The following TMEM132C variants were observed in gnomAD, a reference collection of about 807,000 sequenced individuals.
TMEM132C encodes transmembrane protein 132C.
A neutral mutation model predicts 61.4 loss-of-function variants in TMEM132C; 29 were observed. That is an observed-to-expected ratio of 0.47 (90% CI 0.35 to 0.64). TMEM132C has a LOEUF of 0.64. Among genes scored for constraint, TMEM132C ranks in the 30% least tolerant of loss-of-function variants. The pLI, the probability that TMEM132C is intolerant of heterozygous loss-of-function variation, is 0.00. For missense variants in TMEM132C, 1,408 were observed against 1,476.9 expected (o/e 0.95, Z 0.76); for synonymous variants, 656 against 633.1 (o/e 1.04, Z -0.54).
intron 2 of TMEM132C, among the ~76,000 whole-genome samples, chr12:128,432,824 T>A (rs1172041365): frequency 6.6e-6 from 1 of 152,178 alleles, no homozygotes; most frequent in Non-Finnish European, 1.5e-5. Context: ...AGTAAAATGC[T>A]ATCAAACAGC....
At chr12:128,403,520 G>T (rs1875239013) in intron 1 of TMEM132C, among the ~76,000 whole-genome samples, 1 of 151,946 alleles carries the variant, frequency 6.6e-6, no homozygotes, top group African/African-American at 2.4e-5. Context: ...AGTTTTAAAA[G>T]CTTGTTACTA....
chr12:128,538,820 C>T (rs1873632824), intron 2 of TMEM132C, among the ~76,000 whole-genome samples: 1 of 152,084 alleles, frequency 6.6e-6, no homozygotes, highest in Non-Finnish European at 1.5e-5. Flanking sequence ...TTTATCTCTC[C>T]ATCCCTCAAG....
chr12:128,531,414 A>C (rs1484963369), intron 2 of TMEM132C, among the ~76,000 whole-genome samples: 2 of 152,234 alleles, frequency 1.3e-5, no homozygotes, highest in African/African-American at 4.8e-5. Context: ...TTCACAGCCA[A>C]CCTGAAAGAG....
At chr12:128,269,565 C>T (rs548953728) in intron 1 of TMEM132C, among the ~76,000 whole-genome samples, 1 of 152,202 alleles carries the variant, frequency 6.6e-6, no homozygotes, top group Non-Finnish European at 1.5e-5. Flanking sequence ...ACCGCCTCTG[C>T]CCTCTAGCTA....
chr12:128,530,605 A>G (rs1031603297), intron 2 of TMEM132C, among the ~76,000 whole-genome samples: 9 of 152,084 alleles, frequency 5.9e-5, no homozygotes, highest in African/African-American at 1.7e-4. Context: ...CACCACGCCC[A>G]TCTAATTTTT....
At chr12:128,333,470 GA>G (rs1872714815) in intron 1 of TMEM132C, among the ~76,000 whole-genome samples, 1 of 151,838 alleles carries the variant, frequency 6.6e-6, no homozygotes, top group African/African-American at 2.4e-5. Context: ...TTGTATTTGA[GA>G]GTGGTGTGCT....
chr12:128,427,583 A>C (rs1213236625), intron 2 of TMEM132C, among the ~76,000 whole-genome samples: 1 of 151,364 alleles, frequency 6.6e-6, no homozygotes, highest in Admixed American at 6.6e-5. Flanking sequence ...GATCCTCCAG[A>C]CTCCCCTTCC....
intron 1 of TMEM132C, among the ~76,000 whole-genome samples, chr12:128,340,886 TTTTC>T (rs1190772911): frequency 2.2e-4 from 32 of 142,778 alleles, no homozygotes; most frequent in Admixed American, 2.7e-4. Context: ...TCTTTTTTCT[TTTTC>T]TTTCTTTCTC....
At chr12:128,505,830 C>T (rs1162165516) in intron 2 of TMEM132C, among the ~76,000 whole-genome samples, 3 of 152,118 alleles carry the variant, frequency 2.0e-5, no homozygotes, top group Admixed American at 2.0e-4. Flanking sequence ...GGCTTGGCCT[C>T]CCTCCTGGAA....
intron 1 of TMEM132C, among the ~76,000 whole-genome samples, chr12:128,344,566 G>A (rs916278170): frequency 6.6e-6 from 1 of 152,158 alleles, no homozygotes; most frequent in South Asian, 2.1e-4. Flanking sequence ...TTCTGAAGTT[G>A]CTACACTATA....
intron 1 of TMEM132C, among the ~76,000 whole-genome samples, chr12:128,364,304 TCTCC>T (rs1348454086): frequency 3.6e-4 from 47 of 131,426 alleles, no homozygotes; most frequent in African/African-American, 1.3e-3. Context: ...TCTCTCTCTC[TCTCC>T]CCCTCCTCCC....
At chr12:128,548,934 T>C (rs1874058332) in intron 3 of TMEM132C, among the ~76,000 whole-genome samples, 1 of 152,210 alleles carries the variant, frequency 6.6e-6, no homozygotes, top group East Asian at 1.9e-4. Context: ...ATGCTACTAC[T>C]ACATCATTTT....
chr12:128,645,029 T>G (rs1214265222), intron 4 of TMEM132C, among the ~76,000 whole-genome samples: 1 of 152,154 alleles, frequency 6.6e-6, no homozygotes, highest in African/African-American at 2.4e-5. Flanking sequence ...GAGTCCTCTG[T>G]GCTGAGAGCT....
intron 1 of TMEM132C, among the ~76,000 whole-genome samples, chr12:128,277,978 T>A (rs1348248782): frequency 6.6e-6 from 1 of 152,138 alleles, no homozygotes; most frequent in East Asian, 1.9e-4. Context: ...AGATGGGCAC[T>A]GCAATAGTAG....
chr12:128,637,080 A>G (rs1954109782), intron 4 of TMEM132C, among the ~76,000 whole-genome samples: 1 of 152,214 alleles, frequency 6.6e-6, no homozygotes, highest in Non-Finnish European at 1.5e-5. Flanking sequence ...GTGTGCAGAT[A>G]ACTCTTCTAC....
intron 2 of TMEM132C, among the ~76,000 whole-genome samples, chr12:128,466,375 A>G: frequency 6.6e-6 from 1 of 152,218 alleles, no homozygotes; most frequent in Non-Finnish European, 1.5e-5. Flanking sequence ...TAAAATTTAC[A>G]TTTTACCAAT....
intron 1 of TMEM132C, among the ~76,000 whole-genome samples, chr12:128,304,050 A>G (rs528660541): frequency 4.6e-5 from 7 of 152,168 alleles, no homozygotes; most frequent in African/African-American, 1.2e-4. Flanking sequence ...ATCGATGGCT[A>G]TTGTTTTAAC....
chr12:128,479,597 C>T lies in TMEM132C; in HGVS notation c.974+63977C>T, dbSNP rs534041538. ...TGTTCGTTTGTTTATATTTTGGCCGCGGCTGCCTTCACACTCCAGTGGCAG... is the reference window on the plus strand; with the variant it reads ...TGTTCGTTTGTTTATATTTTGGCCGTGGCTGCCTTCACACTCCAGTGGCAG... On this transcript the variant is annotated intron_variant, in intron 2 of 8. Transcript: ENST00000435159. Among the ~76,000 whole-genome samples the T allele has an allele frequency of 3.3e-5, 5 of 152,316 alleles. No homozygotes were observed. The South Asian group carries it at 6.2e-4, about 19-fold the overall frequency.
At chr12:128,311,736 C>T (rs1566052195) in intron 1 of TMEM132C, among the ~76,000 whole-genome samples, 1 of 152,246 alleles carries the variant, frequency 6.6e-6, no homozygotes, top group African/African-American at 2.4e-5. Context: ...CACGTCGGTC[C>T]TGGCTCCTCA....
Sources: allele counts gnomAD v4.1 joint callset (sites outside exome capture counted in the v4.1 genomes callset), GRCh38; gene constraint gnomAD v4.1.1; transcripts MANE v1.5; gene names NCBI Gene and HGNC (gene_info 2026-07-23, HGNC 2026-07-21).